The following ICA1L variants were observed in gnomAD, a reference collection of about 807,000 sequenced individuals.
ICA1L encodes islet cell autoantigen 1-like protein.
ICA1L carries 50 observed loss-of-function variants against 61.3 expected under a neutral mutation model. The ratio of observed to expected loss-of-function variants is 0.82; its 90% CI spans 0.65 to 1.03. The LOEUF (loss-of-function observed/expected upper bound fraction) is 1.03. ICA1L is among the 50% of genes least tolerant of loss of function. The pLI is 0.00. For missense variants in ICA1L, 508 were observed against 556.7 expected, an observed-to-expected ratio of 0.91 and a Z score of 0.88; for synonymous variants, 161 against 191.3, an observed-to-expected ratio of 0.84 and a Z score of 1.31.
chr2:202,860,522 G>A (rs1414006189), intron 1 of ICA1L, among the ~76,000 whole-genome samples: 1 of 152,068 alleles, frequency 6.6e-6, no homozygotes, highest in African/African-American at 2.4e-5. Flanking sequence ...GGGAGGCCGA[G>A]GCAGGCAGAT....
chr2:202,863,221 G>A (rs1694969778), intron 1 of ICA1L, among the ~76,000 whole-genome samples: 1 of 152,060 alleles, frequency 6.6e-6, no homozygotes, highest in African/African-American at 2.4e-5. Flanking sequence ...GAACCCGGGA[G>A]GCGGAGGTTG....
chr2:202,829,299 G>A lies in ICA1L; in HGVS notation c.-7-283C>T, dbSNP rs375609132. Reference sequence around the variant, plus strand: ...CGGGAGGCGGAGCTTGCGGTGAGCCGAGATCGCGCCACTGCACTCCAGCCT... The same window carrying A: ...CGGGAGGCGGAGCTTGCGGTGAGCCAAGATCGCGCCACTGCACTCCAGCCT... On this transcript the variant is annotated intron_variant, in intron 1 of 12. Transcript: ENST00000358299. The A allele has an allele frequency of 1.6e-3, 298 of 188,552 alleles. 2 individuals carry two copies. Among genetic ancestry groups the A allele is most frequent in the African/African-American group, 6.2e-3 (266 of 42,896 alleles). The allele number at this position is 188,552 out of a possible 1,614,324, so 11.7% of individuals were successfully genotyped here.
chr2:202,796,805 G>T, intron 10 of ICA1L, 85 bp downstream of exon 10: 1 of 779,356 alleles, frequency 1.3e-6, no homozygotes, highest in Non-Finnish European at 2.0e-6. Flanking sequence ...GACCCAGACA[G>T]TTTCTAATGT....
At position 202,773,923 on chromosome 2, in the gene ICA1L, G is replaced by A. The variant is rs1692133482; in HGVS notation, c.*5610C>T. The A allele has an allele frequency of 2.5e-6, 3 of 1,208,368 alleles. No homozygotes were observed. Among genetic ancestry groups the A allele is most frequent in the African/African-American group, 3.0e-5 (2 of 66,716 alleles). 74.9% of individuals were successfully genotyped at this position (1,208,368 alleles called of 1,614,324 possible). A position where few individuals can be genotyped will look rare whatever the true frequency, so the allele number is the denominator to read the frequency against. ...GGAATAAGAACAGTCAACGTAGAAA[G>A]AGACAGAAAGATTCTTCTCTTCCGC... On this transcript the variant is annotated 3_prime_UTR_variant, in exon 13 of 13. Coordinates refer to ENST00000358299, the MANE Select transcript of ICA1L (RefSeq NM_001288622.3).
Position 202,779,215 on chromosome 2 carries a change from T to C in ICA1L, c.*318A>G, listed in dbSNP as rs370553857. The stretch of plus-strand genomic sequence containing the variant: ...TTCCAAAGAAATAAGCTCAACTCCA[T>C]ATTGACAGAATTATTCCTAGCCGTT... On this transcript the variant is annotated 3_prime_UTR_variant, in exon 13 of 13. Coordinates refer to ENST00000358299, the MANE Select transcript of ICA1L (RefSeq NM_001288622.3). The C allele has an allele frequency of 2.4e-4, 56 of 231,026 alleles. 1 individual carries two copies. Among genetic ancestry groups the C allele is most frequent in the African/African-American group, 1.1e-3 (49 of 44,576 alleles). The allele number at this position is 231,026 out of a possible 1,614,324, so 14.3% of individuals were successfully genotyped here. A position where few individuals can be genotyped will look rare whatever the true frequency, so the allele number is the denominator to read the frequency against.
At chr2:202,806,434 C>T (rs978756115) in intron 9 of ICA1L, among the ~76,000 whole-genome samples, 5 of 151,900 alleles carry the variant, frequency 3.3e-5, no homozygotes, top group Non-Finnish European at 1.5e-5. Context: ...TGCTTTGAGC[C>T]CAGGAGTTTG....
intron 1 of ICA1L, among the ~76,000 whole-genome samples, chr2:202,848,742 T>C (rs1350009414): frequency 5.9e-5 from 9 of 152,200 alleles, no homozygotes; most frequent in Non-Finnish European, 1.2e-4. Flanking sequence ...ATTTTGTGTG[T>C]GTACAGATAT....
chr2:202,841,143 C>T, intron 1 of ICA1L: 1 of 644,166 alleles, frequency 1.6e-6, no homozygotes, highest in South Asian at 1.6e-5. Flanking sequence ...CCCTTCCAGG[C>T]AAGACTCTAG....
In ICA1L at chr2:202,794,713, A is replaced by T. The variant is rs147109557; in HGVS notation, c.985+2177T>A. ...TATATACAAAATGACCAATGAAAAT[A>T]TATAATGGAAAAGAAAACCTCATTT... On this transcript the variant is annotated intron_variant, in intron 10 of 12. Coordinates refer to ENST00000358299, the MANE Select transcript of ICA1L (RefSeq NM_001288622.3). Among the ~76,000 whole-genome samples, 871 of 152,326 alleles carry T rather than the reference A, an allele frequency of 5.7e-3. 11 individuals are homozygous for T. Among genetic ancestry groups the T allele is most frequent in the East Asian group, 0.03 (156 of 5,194 alleles).
chr2:202,838,660 A>G (rs1694219417), intron 1 of ICA1L, among the ~76,000 whole-genome samples: 1 of 152,166 alleles, frequency 6.6e-6, no homozygotes, highest in African/African-American at 2.4e-5. Context: ...ATCCCTTTTC[A>G]TTATATAATA....
intron 1 of ICA1L, among the ~76,000 whole-genome samples, chr2:202,842,259 T>A (rs999281626): frequency 6.6e-6 from 1 of 152,260 alleles, no homozygotes; most frequent in East Asian, 1.9e-4. Context: ...ATGAGTTTTA[T>A]ACTTTTAGAT....
intron 10 of ICA1L, among the ~76,000 whole-genome samples, chr2:202,794,269 C>G (rs1395283328): frequency 6.6e-6 from 1 of 150,646 alleles, no homozygotes; most frequent in South Asian, 2.1e-4. Flanking sequence ...TCGCTTGAAC[C>G]CAGGAGGCAG....
chr2:202,853,793 A>G (rs1486215669), intron 1 of ICA1L, among the ~76,000 whole-genome samples: 1 of 152,222 alleles, frequency 6.6e-6, no homozygotes, highest in Non-Finnish European at 1.5e-5. Flanking sequence ...AGCCAAACTA[A>G]GCTTCATAAG....
chr2:202,843,295 G>GT (rs1232022319), intron 1 of ICA1L, among the ~76,000 whole-genome samples: 4 of 152,144 alleles, frequency 2.6e-5, no homozygotes, highest in Admixed American at 2.6e-4. Context: ...CCTCCATGGG[G>GT]TGGGGTGCAG....
chr2:202,813,190 G>C (rs1015113274), intron 8 of ICA1L, among the ~76,000 whole-genome samples: 1 of 151,872 alleles, frequency 6.6e-6, no homozygotes, highest in South Asian at 2.1e-4. Flanking sequence ...AACCTGGGAG[G>C]GGGAGGTGGC....
chr2:202,793,019 T>G (rs914546482), intron 10 of ICA1L, among the ~76,000 whole-genome samples: 34 of 152,166 alleles, frequency 2.2e-4, no homozygotes, highest in African/African-American at 7.7e-4. Flanking sequence ...AAAACAAGCA[T>G]GAGAGAATTT....
chr2:202,859,876 T>C (rs1350042306), intron 1 of ICA1L, among the ~76,000 whole-genome samples: 1 of 152,210 alleles, frequency 6.6e-6, no homozygotes, highest in African/African-American at 2.4e-5. Context: ...GTCTTCATAA[T>C]ATCCCCAGAA....
chr2:202,861,883 C>CAAA (rs71030996), intron 1 of ICA1L, among the ~76,000 whole-genome samples: 64 of 40,398 alleles, frequency 1.6e-3, no homozygotes, highest in East Asian at 2.3e-3. Context: ...GATTCAGACT[C>CAAA]AAAAAAAAAA....
intron 3 of ICA1L, among the ~76,000 whole-genome samples, chr2:202,822,744 T>C (rs576815101): frequency 6.6e-6 from 1 of 152,160 alleles, no homozygotes; most frequent in Non-Finnish European, 1.5e-5. Flanking sequence ...GTCTGGCTAC[T>C]TGTGGGGCAG....
Sources: gnomAD v4.1 joint callset for allele counts (sites outside exome capture counted in the v4.1 genomes callset) on GRCh38, gnomAD v4.1.1 for gene constraint, MANE v1.5 for transcripts, NCBI Gene and HGNC (gene_info 2026-07-23, HGNC 2026-07-21) for gene names.